The following TMC2 variants were observed in gnomAD, a reference collection of about 807,000 sequenced individuals.
TMC2 encodes the protein transmembrane channel like 2, also known as transmembrane channel-like protein 2.
Under a neutral mutation model 105.9 loss-of-function variants are expected in TMC2, and 102 were observed. The ratio of observed to expected loss-of-function variants is 0.96; its 90% CI spans 0.82 to 1.14. TMC2 has a LOEUF of 1.14. Ranked by LOEUF, TMC2 falls within the 50% of genes most tolerant of loss-of-function variation. The pLI, the probability that TMC2 is intolerant of heterozygous loss-of-function variation, is 0.00. For missense variants in TMC2, 1,093 were observed against 1,134.3 expected, an observed-to-expected ratio of 0.96 and a Z score of 0.52; for synonymous variants, 402 against 422.8, an observed-to-expected ratio of 0.95 and a Z score of 0.60.
intron 5 of TMC2, among the ~76,000 whole-genome samples, chr20:2,573,852 G>A (rs527746360): frequency 2.6e-5 from 4 of 152,174 alleles, no homozygotes; most frequent in South Asian, 4.1e-4. Context: ...GAGCCACCAC[G>A]CCCGGCCTCT....
At chr20:2,638,542 C>G (rs2146274569) in intron 19 of TMC2, among the ~76,000 whole-genome samples, 1 of 150,276 alleles carries the variant, frequency 6.7e-6, no homozygotes, top group Non-Finnish European at 1.5e-5. Context: ...CCTTCAGGAG[C>G]TATTCCAGAA....
In TMC2 at chr20:2,612,257, G is replaced by A; in HGVS notation, c.1660G>A (p.Gly554Ser). ...WTLFNYYNSS[G>S]WNESVPRPPL... Reference sequence around the variant, plus strand: ...TCTGTTTAACTATTACAACTCTTCTGGTTGGAACGAGAGTGTCCCCCGACC... The same window carrying A: ...TCTGTTTAACTATTACAACTCTTCTAGTTGGAACGAGAGTGTCCCCCGACC... Residue 554 changes from glycine to serine, a missense_variant, in exon 13 of 20, where the codon GGT becomes AGT. Coordinates refer to ENST00000358864, the MANE Select transcript of TMC2 (RefSeq NM_080751.3). The A allele has an allele frequency of 1.2e-6, 2 of 1,612,824 alleles. No homozygotes were observed. The highest frequency in any genetic ancestry group is 1.1e-5 in the South Asian group (1 of 90,596).
At chr20:2,626,816 C>T (rs945744426) in intron 17 of TMC2, among the ~76,000 whole-genome samples, 17 of 152,154 alleles carry the variant, frequency 1.1e-4, no homozygotes, top group African/African-American at 2.9e-4. Context: ...CGGGACTGAA[C>T]GAAGTAGGAC....
Position 2,561,998 on chromosome 20 carries a change from T to C in TMC2, c.542T>C (p.Leu181Pro). The C allele has an allele frequency of 6.2e-7, 1 of 1,613,988 alleles. No individual in the cohort carries two copies. Among genetic ancestry groups the C allele is most frequent in the Non-Finnish European group, 8.5e-7 (1 of 1,179,898 alleles). Residue 181 changes from leucine to proline, a missense_variant, in exon 4 of 20, where the codon CTG (leucine) becomes CCG (proline). Physicochemically the swap from Leu to Pro is moderately conservative, Grantham distance 98. Transcript: ENST00000358864. The part of the protein sequence containing the change: ...RSKPWPMAKK[L>P]TELREAQEFV... The stretch of plus-strand genomic sequence containing the variant: ...AAGCCCTGGCCCATGGCGAAGAAGC[T>C]GACAGAGCTCAGGTGAGCAGGCTGC...
chr20:2,623,762 G>T (rs1428432527), intron 16 of TMC2, among the ~76,000 whole-genome samples: 1 of 152,178 alleles, frequency 6.6e-6, no homozygotes, highest in African/African-American at 2.4e-5. Flanking sequence ...AAAAATTACA[G>T]TTGTGAACTG....
intron 7 of TMC2, among the ~76,000 whole-genome samples, chr20:2,582,841 C>T (rs1220750990): frequency 1.3e-5 from 2 of 152,178 alleles, no homozygotes; most frequent in Non-Finnish European, 2.9e-5. Context: ...CTCTCAATAC[C>T]ACTTTATGAA....
intron 16 of TMC2, among the ~76,000 whole-genome samples, chr20:2,619,906 T>C (rs900731497): frequency 5.9e-5 from 9 of 152,048 alleles, no homozygotes; most frequent in African/African-American, 2.2e-4. Flanking sequence ...TATGGAAAAC[T>C]GAACTTATAA....
At chr20:2,625,334 C>T (rs76355228) in intron 17 of TMC2, among the ~76,000 whole-genome samples, 17,853 of 152,184 alleles carry the variant, frequency 0.12, 1,199 homozygotes, top group Middle Eastern at 0.17. Flanking sequence ...TATCTTTCTT[C>T]GTAATAGAAA....
chr20:2,537,284 A>G lies in TMC2; in HGVS notation c.50A>G (p.Lys17Arg). 1 of 1,604,288 alleles carries G rather than the reference A, an allele frequency of 6.2e-7. No homozygotes were observed. The highest frequency in any genetic ancestry group is 8.5e-7 in the Non-Finnish European group (1 of 1,175,644). Residue 17 changes from lysine to arginine, a missense_variant, in exon 2 of 20, where the codon AAA (lysine) becomes AGA (arginine). Transcript: ENST00000358864. ...GLKEEARGGV[K>R]GRVKSGSPHT... Reference sequence around the variant, plus strand: ...TCTCTTACAGCACGAGGCGGAGTGAAAGGGCGGGTGAAGAGCGGCTCTCCA... The same window carrying G: ...TCTCTTACAGCACGAGGCGGAGTGAGAGGGCGGGTGAAGAGCGGCTCTCCA...
chr20:2,584,621 T>C (rs6115047), intron 7 of TMC2, among the ~76,000 whole-genome samples: 10,724 of 152,090 alleles, frequency 0.071, 1,255 homozygotes, highest in African/African-American at 0.24. Flanking sequence ...TAAAATGTAG[T>C]GACTTAAATA....
rs1288255177 is a variant in TMC2 at position 2,558,529 on chromosome 20, T to C, written c.156T>C (p.Ala52=). Residue 52 remains alanine, a synonymous_variant, in exon 3 of 20, where the codon GCT becomes GCC. Transcript: ENST00000358864. This position sits in a 1 kb window ranked among gnomAD's most constrained non-coding sequence, Gnocchi z 4.6. ...AGGGGACCCCAGGCAGGCGCGGAGC[T>C]CAGCGAAGCCAGAAGGAGCGCGCCG... is the stretch of plus-strand genomic sequence containing the variant. ...KAEGTPGRRG[A]QRSQKERAGG... 1.3e-6 allele frequency: 2 copies of C among 1,555,018 alleles called. No individual in the cohort carries two copies. Among genetic ancestry groups the C allele is most frequent in the Non-Finnish European group, 1.7e-6 (2 of 1,149,310 alleles).
intron 4 of TMC2, among the ~76,000 whole-genome samples, chr20:2,564,028 C>T (rs1351234169): frequency 6.6e-6 from 1 of 151,980 alleles, no homozygotes; most frequent in African/African-American, 2.4e-5. Flanking sequence ...ACACCTGGCC[C>T]ATTTGTCAAT....
intron 4 of TMC2, among the ~76,000 whole-genome samples, chr20:2,562,251 T>C (rs4815324): frequency 0.66 from 100,059 of 152,204 alleles, 33,647 homozygotes; most frequent in African/African-American, 0.8. Context: ...ATGCCTTCCC[T>C]TGCCTGGCTG....
chr20:2,603,297 A>G (rs1429055688), intron 11 of TMC2, among the ~76,000 whole-genome samples: 1 of 152,174 alleles, frequency 6.6e-6, no homozygotes, highest in Non-Finnish European at 1.5e-5. Flanking sequence ...TTTATCTTGC[A>G]TTCAAACAGC....
chr20:2,626,403 G>A (rs1391286607), intron 17 of TMC2, among the ~76,000 whole-genome samples: 1 of 152,120 alleles, frequency 6.6e-6, no homozygotes, highest in East Asian at 1.9e-4. Flanking sequence ...AGCTGCTTGG[G>A]CTTCCTCATA....
At position 2,572,239 on chromosome 20, in the gene TMC2, A is replaced by T. The variant is rs764414355; in HGVS notation, c.615A>T (p.Gln205His). 1 of 1,613,568 alleles carries T rather than the reference A, an allele frequency of 6.2e-7. No individual in the cohort carries two copies. Among genetic ancestry groups the T allele is most frequent in the South Asian group, 1.1e-5 (1 of 91,074 alleles). ...EGALGKGKGK[Q>H]LYAYKMLMAK... ...CCTTGGGAAAGGGGAAAGGCAAGCA[A>T]CTATATGCCTACAAGATGCTGATGG... The change falls in exon 5 of 20, where the codon CAA becomes CAT. Residue 205 changes from glutamine to histidine, a missense_variant. Physicochemically the swap from Gln to His is conservative, Grantham distance 24 (BLOSUM62 0). Coordinates refer to ENST00000358864, the MANE Select transcript of TMC2 (RefSeq NM_080751.3).
chr20:2,543,002 C>T (rs1175764950), intron 2 of TMC2, among the ~76,000 whole-genome samples: 1 of 151,872 alleles, frequency 6.6e-6, no homozygotes, highest in Non-Finnish European at 1.5e-5. Flanking sequence ...TTTGGGAGGC[C>T]AAGGTGGGCG....
intron 11 of TMC2, among the ~76,000 whole-genome samples, chr20:2,609,909 G>A (rs1600128395): frequency 2.0e-5 from 3 of 152,176 alleles, no homozygotes; most frequent in East Asian, 3.9e-4. Flanking sequence ...GTGCAGTGGT[G>A]CAATCTCGCC....
intron 7 of TMC2, among the ~76,000 whole-genome samples, chr20:2,587,342 G>T (rs2086238103): frequency 6.6e-6 from 1 of 152,024 alleles, no homozygotes; most frequent in Admixed American, 6.5e-5. Context: ...AAACCAGATT[G>T]CATTCTTGGA....
Sources: allele counts gnomAD v4.1 joint callset (sites outside exome capture counted in the v4.1 genomes callset), GRCh38; gene constraint gnomAD v4.1.1; non-coding constraint Gnocchi (gnomAD v3.1); transcripts MANE v1.5; gene names NCBI Gene and HGNC (gene_info 2026-07-23, HGNC 2026-07-21).